The following MYBPC1 variants were observed in gnomAD, a reference collection of about 807,000 sequenced individuals.
MYBPC1 encodes myosin-binding protein C, slow-type.
MYBPC1 carries 52 observed loss-of-function variants against 147.1 expected under a neutral mutation model. The ratio of observed to expected loss-of-function variants is 0.35; its 90% CI spans 0.28 to 0.45. MYBPC1 has a LOEUF of 0.45. Ranked by LOEUF, MYBPC1 falls within the 20% of genes least tolerant of loss-of-function variation. The pLI, the probability that MYBPC1 is intolerant of heterozygous loss-of-function variation, is 1.00. For synonymous variants in MYBPC1, 477 were observed against 475.9 expected (o/e 1.00, Z -0.03); for missense variants, 1,228 against 1,440.3 (o/e 0.85, Z 2.39).
intron 26 of MYBPC1, among the ~76,000 whole-genome samples, chr12:101,676,896 G>A (rs746941532): frequency 2.0e-5 from 3 of 152,128 alleles, no homozygotes; most frequent in Non-Finnish European, 2.9e-5. Context: ...TAGCTAGGAA[G>A]ACAAATAGGT....
At chr12:101,627,541 C>A (rs1888892362) in intron 4 of MYBPC1, among the ~76,000 whole-genome samples, 1 of 152,152 alleles carries the variant, frequency 6.6e-6, no homozygotes, top group Non-Finnish European at 1.5e-5. Context: ...CCGCCCCCAG[C>A]TGGGATTTTT....
the MYBPC1 span, among the ~76,000 whole-genome samples, chr12:101,694,155 T>C: frequency 6.6e-6 from 1 of 152,226 alleles, no homozygotes; most frequent in Non-Finnish European, 1.5e-5. Context: ...TTTGCCCAGC[T>C]GTAGTCTAAA....
Position 101,648,141 on chromosome 12 carries a change from A to G in MYBPC1, c.1187A>G (p.Asn396Ser), listed in dbSNP as rs533643085. The G allele has an allele frequency of 2.2e-5, 35 of 1,609,022 alleles. No homozygotes were observed. In the East Asian group the frequency reaches 4.9e-4, roughly 23 times the overall value. The change falls in exon 14 of 32, where the codon AAT (asparagine) becomes AGT (serine). Residue 396 changes from asparagine (N) to serine (S), a missense_variant. Asn to Ser is a conservative substitution (Grantham distance 46). Around this residue, in one of 2 missense-constraint regions of MYBPC1, gnomAD observed 1,077 missense variants for 1,314.2 expected, o/e 0.82. Transcript: ENST00000361466. ...TGTGAGGTGTCTGAAGATGATGCCA[A>G]TGTAAAATGGTAAATAGCCTTAATG... ...LECEVSEDDA[N>S]VKWFKNGEEI... is the part of the protein sequence containing the mutation.
chr12:101,606,056 A>G (rs962593635), intron 1 of MYBPC1, among the ~76,000 whole-genome samples: 2 of 150,242 alleles, frequency 1.3e-5, no homozygotes, highest in African/African-American at 4.9e-5. Flanking sequence ...TTAGTCAGGC[A>G]TGGTACATGC....
downstream of MYBPC1, among the ~76,000 whole-genome samples, chr12:101,689,394 T>C (rs1304727136): frequency 6.6e-6 from 1 of 152,198 alleles, no homozygotes; most frequent in Non-Finnish European, 1.5e-5. Context: ...AAGTCACCCA[T>C]AGAACAAGCA....
Position 101,649,277 on chromosome 12 carries a change from A to G in MYBPC1, c.1214A>G (p.Glu405Gly), listed in dbSNP as rs772270262. Residue 405 changes from glutamate to glycine, a missense_variant, in exon 15 of 32, where the codon GAG becomes GGG. Coordinates refer to ENST00000361466, the MANE Select transcript of MYBPC1 (RefSeq NM_002465.4). The part of the protein sequence containing the change: ...ANVKWFKNGE[E>G]IIPGPKSRYR... Reference sequence around the variant, plus strand: ...TAATTCAGGTTTAAGAATGGTGAAGAGATTATCCCTGGTCCAAAATCAAGA... The same window carrying G: ...TAATTCAGGTTTAAGAATGGTGAAGGGATTATCCCTGGTCCAAAATCAAGA... 5.6e-6 allele frequency: 9 copies of G among 1,613,668 alleles called. No individual in the cohort carries two copies. In the South Asian group the frequency reaches 9.9e-5, roughly 18 times the overall value.
intron 1 of MYBPC1, among the ~76,000 whole-genome samples, chr12:101,605,232 G>A (rs978194543): frequency 2.0e-5 from 3 of 152,154 alleles, no homozygotes; most frequent in Non-Finnish European, 2.9e-5. Context: ...CTCTATTATG[G>A]TGCACTTAGG....
intron 1 of MYBPC1, among the ~76,000 whole-genome samples, chr12:101,601,357 C>G (rs905584452): frequency 5.9e-5 from 9 of 152,144 alleles, no homozygotes; most frequent in Non-Finnish European, 1.2e-4. Context: ...TTTTAGACAG[C>G]CCAAAGATGG....
Position 101,685,663 on chromosome 12 carries a change from G to C in MYBPC1, c.*101G>C, listed in dbSNP as rs978176908. 4.6e-6 allele frequency: 7 copies of C among 1,527,558 alleles called. No homozygotes were observed. The highest frequency in any genetic ancestry group is 6.1e-6 in the Non-Finnish European group (7 of 1,139,432). 94.6% of individuals were successfully genotyped at this position (1,527,558 alleles called of 1,614,324 possible). Reference sequence around the variant, plus strand: ...TCGTATCTGCGAGACTTACACTCAAGCAATCCTGAGGAATACTGAGGGAGG... The same window carrying C: ...TCGTATCTGCGAGACTTACACTCAACCAATCCTGAGGAATACTGAGGGAGG... On this transcript the variant is annotated 3_prime_UTR_variant, in exon 32 of 32. Coordinates refer to ENST00000361466, the MANE Select transcript of MYBPC1 (RefSeq NM_002465.4).
intron 26 of MYBPC1, 126 bp downstream of exon 26, chr12:101,675,557 C>A (rs925489659): frequency 2.1e-6 from 3 of 1,420,264 alleles, no homozygotes; most frequent in African/African-American, 1.4e-5. Context: ...TGTGGCAGAG[C>A]AGAAAGGAAA....
chr12:101,673,642 C>T lies in MYBPC1; in HGVS notation c.2809+20C>T. 2.5e-6 allele frequency: 4 copies of T among 1,613,530 alleles called. No homozygotes were observed. Among genetic ancestry groups the T allele is most frequent in the Non-Finnish European group, 3.4e-6 (4 of 1,179,564 alleles). Reference sequence around the variant, plus strand: ...TCATTGGTAGGTTTAGATGAAGGAGCCAGAAAGTTCTGTCAAAGCAGTACA... The same window carrying T: ...TCATTGGTAGGTTTAGATGAAGGAGTCAGAAAGTTCTGTCAAAGCAGTACA... On this transcript the variant is annotated intron_variant, in intron 25 of 31. Transcript: ENST00000361466.
chr12:101,626,716 G>A (rs1888690472), intron 3 of MYBPC1, 156 bp from the exon 4 acceptor site: 4 of 704,026 alleles, frequency 5.7e-6, no homozygotes, highest in Admixed American at 2.4e-5. Flanking sequence ...GAAAAACTCA[G>A]GTTTCACTTT....
intron 10 of MYBPC1, 60 bp from the exon 11 acceptor site, chr12:101,642,359 C>T: frequency 1.3e-6 from 2 of 1,568,162 alleles, no homozygotes; most frequent in South Asian, 1.1e-5. Flanking sequence ...ATACCTCGAC[C>T]TTCGTGGTCT....
chr12:101,672,534 A>T (rs907565883), intron 24 of MYBPC1, among the ~76,000 whole-genome samples: 1 of 152,220 alleles, frequency 6.6e-6, no homozygotes, highest in Non-Finnish European at 1.5e-5. Context: ...ACAGGACAGT[A>T]GAATAGTAAT....
rs755351952 is a variant in MYBPC1, at chr12:101,629,537, G to T, written c.282G>T (p.Val94=). The T allele has an allele frequency of 1.2e-6, 2 of 1,609,138 alleles. No individual in the cohort carries two copies. Among genetic ancestry groups the T allele is most frequent in the East Asian group, 2.2e-5 (1 of 44,852 alleles). ...TTGAAAAACCTCAAGGAGGAACAGT[G>T]AAAGTTGGTGAGTGCCTAGCATTCA... ...LFIEKPQGGT[V]KVGEDITFIA... Residue 94 remains valine (V), a synonymous_variant, in exon 6 of 32, where the codon GTG becomes GTT. Coordinates refer to ENST00000361466, the MANE Select transcript of MYBPC1 (RefSeq NM_002465.4).
chr12:101,650,987 G>C (rs1894323040), intron 15 of MYBPC1: 1 of 493,146 alleles, frequency 2.0e-6, no homozygotes, highest in Non-Finnish European at 3.7e-6. Flanking sequence ...TGCAGATTTT[G>C]TGCATTCCTT....
rs1056834775 is a variant in MYBPC1 at position 101,669,930 on chromosome 12, AAAAAAAAAAG to A, written c.2525-381_2525-372del. 5.8e-5 allele frequency: 16 copies of A among 277,090 alleles called. No individual in the cohort carries two copies. In the Admixed American group the frequency reaches 6.5e-4, roughly 11 times the overall value. 17.2% of individuals were successfully genotyped at this position (277,090 alleles called of 1,614,324 possible). A position where few individuals can be genotyped will look rare whatever the true frequency, so the allele number is the denominator to read the frequency against. On this transcript the variant is annotated intron_variant, in intron 23 of 31. Coordinates refer to ENST00000361466, the MANE Select transcript of MYBPC1 (RefSeq NM_002465.4). ...TGGGCGACAGAGAGAGACTCTCTGA[AAAAAAAAAAG>A]AAAAAAAAAAAGAAACTATGAAAAG...
chr12:101,695,530 G>A, the MYBPC1 span, among the ~76,000 whole-genome samples: 5 of 152,212 alleles, frequency 3.3e-5, no homozygotes, highest in South Asian at 1.0e-3. Flanking sequence ...GGAGACTACT[G>A]TATGGAGAAG....
chr12:101,596,412 G>T (rs1273818936), intron 1 of MYBPC1, among the ~76,000 whole-genome samples: 1 of 152,208 alleles, frequency 6.6e-6, no homozygotes, highest in Non-Finnish European at 1.5e-5. Flanking sequence ...TGATTTACGT[G>T]TGTACTAAGT....
Sources: gnomAD v4.1 joint callset for allele counts (sites outside exome capture counted in the v4.1 genomes callset) on GRCh38, gnomAD v4.1.1 for gene constraint, gnomAD v4.1.1 regional missense constraint, MANE v1.5 for transcripts, NCBI Gene and HGNC (gene_info 2026-07-23, HGNC 2026-07-21) for gene names.